Variants in DPYD observed in about 807,000 individuals in gnomAD.
The protein encoded by DPYD is dihydropyrimidine dehydrogenase [NADP(+)].
Under a neutral mutation model 116.2 loss-of-function variants are expected in DPYD, and 109 were observed. The ratio of observed to expected loss-of-function variants is 0.94; its 90% confidence interval spans 0.80 to 1.10. The LOEUF (loss-of-function observed/expected upper bound fraction) is 1.10. Ranked by LOEUF, DPYD falls within the 50% of genes least tolerant of loss-of-function variation. The pLI is 0.00. For missense variants in DPYD, 1,302 were observed against 1,254.5 expected (o/e 1.04, Z -0.57); for synonymous variants, 440 against 432.0 (o/e 1.02, Z -0.23).
chr1:97,490,478 T>G (rs1170467682), intron 13 of DPYD, among the ~76,000 whole-genome samples: 1 of 85,386 alleles, frequency 1.2e-5, no homozygotes, highest in African/African-American at 4.4e-5. Context: ...TATAATAGTA[T>G]ATTGTGTTAT....
At chr1:97,726,527 A>G (rs1015261044) in intron 4 of DPYD, among the ~76,000 whole-genome samples, 22 of 151,600 alleles carry the variant, frequency 1.5e-4, no homozygotes, top group African/African-American at 5.1e-4. Context: ...CACTGTCAGT[A>G]TTCTTTCCTC....
chr1:97,127,727 T>G (rs1652958781), intron 20 of DPYD, among the ~76,000 whole-genome samples: 1 of 152,146 alleles, frequency 6.6e-6, no homozygotes, highest in East Asian at 1.9e-4. Flanking sequence ...ATATATTTTT[T>G]TAGTTATTTT....
chr1:97,510,705 A>G (rs949315686), intron 13 of DPYD, among the ~76,000 whole-genome samples: 2 of 151,988 alleles, frequency 1.3e-5, no homozygotes, highest in South Asian at 4.1e-4. Flanking sequence ...ACTTCTTTTT[A>G]TCAATAAGTG....
intron 3 of DPYD, among the ~76,000 whole-genome samples, chr1:97,798,373 G>T (rs1667684918): frequency 6.6e-6 from 1 of 151,422 alleles, no homozygotes; most frequent in Non-Finnish European, 1.5e-5. Flanking sequence ...TGGTTTCAAA[G>T]AATTCCCTGT....
intron 14 of DPYD, among the ~76,000 whole-genome samples, chr1:97,382,721 C>T (rs1166132416): frequency 3.9e-5 from 6 of 152,158 alleles, no homozygotes; most frequent in African/African-American, 1.4e-4. Flanking sequence ...TTTTCTGATC[C>T]TCAGCATTCT....
At chr1:97,767,743 G>A (rs1482987995) in intron 3 of DPYD, among the ~76,000 whole-genome samples, 1 of 135,862 alleles carries the variant, frequency 7.4e-6, no homozygotes, top group Admixed American at 7.5e-5. Flanking sequence ...AAGCCACTGA[G>A]TTTGGGGCTG....
intron 16 of DPYD, among the ~76,000 whole-genome samples, chr1:97,338,219 TA>T (rs931417577): frequency 1.3e-5 from 2 of 151,798 alleles, no homozygotes; most frequent in African/African-American, 2.4e-5. Context: ...AAGGTGAAAA[TA>T]AAAAAAATTG....
intron 16 of DPYD, among the ~76,000 whole-genome samples, chr1:97,351,171 C>T (rs988957357): frequency 1.3e-5 from 2 of 152,126 alleles, no homozygotes; most frequent in Admixed American, 1.3e-4. Context: ...TCTGTTCCTC[C>T]CTCTTCTCCA....
intron 3 of DPYD, among the ~76,000 whole-genome samples, chr1:97,806,265 A>G (rs1485962276): frequency 6.6e-6 from 1 of 151,960 alleles, no homozygotes. Context: ...GAAGTCAATA[A>G]CAGTAAAATC....
chr1:97,621,423 T>C (rs747378456), intron 8 of DPYD, among the ~76,000 whole-genome samples: 1 of 152,014 alleles, frequency 6.6e-6, no homozygotes, highest in African/African-American at 2.4e-5. Context: ...GACATCAGTA[T>C]ATACACATGT....
chr1:97,164,762 A>C (rs1034525270), intron 20 of DPYD, among the ~76,000 whole-genome samples: 11 of 152,206 alleles, frequency 7.2e-5, no homozygotes, highest in Admixed American at 2.0e-4. Context: ...AACACTGCTC[A>C]AATAAATCAG....
intron 7 of DPYD, among the ~76,000 whole-genome samples, chr1:97,684,744 G>A (rs926034176): frequency 3.9e-5 from 6 of 152,086 alleles, no homozygotes; most frequent in Non-Finnish European, 7.4e-5. Flanking sequence ...AGAAAGTCTA[G>A]AAGAAATGGA....
At chr1:97,605,330 G>A (rs1391697722) in intron 8 of DPYD, among the ~76,000 whole-genome samples, 2 of 152,020 alleles carry the variant, frequency 1.3e-5, no homozygotes, top group African/African-American at 2.4e-5. Context: ...TGTTGTGGGA[G>A]GGACCTGGTG....
intron 18 of DPYD, among the ~76,000 whole-genome samples, chr1:97,254,489 T>C (rs1663322524): frequency 6.6e-6 from 1 of 152,084 alleles, no homozygotes; most frequent in African/African-American, 2.4e-5. Flanking sequence ...TGGAGTGATG[T>C]CCAATCACCT....
chr1:97,280,574 T>C (rs967961472), intron 18 of DPYD, among the ~76,000 whole-genome samples: 1 of 152,090 alleles, frequency 6.6e-6, no homozygotes, highest in Non-Finnish European at 1.5e-5. Context: ...CAGAATGAAA[T>C]CCTTTCATTT....
intron 13 of DPYD, among the ~76,000 whole-genome samples, chr1:97,478,336 G>A (rs139970084): frequency 6.1e-4 from 93 of 152,090 alleles, no homozygotes; most frequent in African/African-American, 2.1e-3. Context: ...TTGCCAGGCT[G>A]GAGTGCAGTG....
intron 3 of DPYD, among the ~76,000 whole-genome samples, chr1:97,751,456 G>GTGTGTA (rs1378639217): frequency 4.1e-5 from 1 of 24,412 alleles, no homozygotes; most frequent in Non-Finnish European, 8.3e-5. Context: ...GTGTGTGTGT[G>GTGTGTA]TGTGTATATA....
chr1:97,556,950 G>C lies in DPYD; in HGVS notation c.1340-7206C>G, dbSNP rs796517123. On this transcript the variant is annotated intron_variant, in intron 11 of 22. Coordinates refer to ENST00000370192, the MANE Select transcript of DPYD (RefSeq NM_000110.4). ...TGCCACACTGACTTCCACAATGGTT[G>C]AACTAGTTTACAGTCCCACCAACAG... Among the ~76,000 whole-genome samples the C allele has an allele frequency of 2.5e-4, 37 of 150,408 alleles. No individual in the cohort carries two copies. In the South Asian group the frequency reaches 7.6e-3, roughly 31 times the overall value.
At chr1:97,651,763 T>G (rs929281618) in intron 8 of DPYD, among the ~76,000 whole-genome samples, 4 of 152,282 alleles carry the variant, frequency 2.6e-5, no homozygotes, top group Admixed American at 2.6e-4. Context: ...GCCAAATAAA[T>G]GCAGTCATAA....
Sources: gnomAD v4.1 joint callset for allele counts (sites outside exome capture counted in the v4.1 genomes callset) on GRCh38, gnomAD v4.1.1 for gene constraint, MANE v1.5 for transcripts, NCBI Gene and HGNC (gene_info 2026-07-23, HGNC 2026-07-21) for gene names.